The following ADIPOR2 variants were observed in gnomAD, a reference collection of about 807,000 sequenced individuals.
ADIPOR2 encodes adiponectin receptor protein 2.
ADIPOR2 carries 18 observed loss-of-function variants against 40.9 expected under a neutral mutation model. The ratio of observed to expected loss-of-function variants is 0.44; its 90% CI spans 0.30 to 0.65. The LOEUF is 0.65. ADIPOR2 is among the 30% of genes least tolerant of loss of function. ADIPOR2 has a pLI of 0.09. For missense variants in ADIPOR2, 283 were observed against 479.2 expected, an observed-to-expected ratio of 0.59 and a Z score of 3.82; for synonymous variants, 165 against 166.4, an observed-to-expected ratio of 0.99 and a Z score of 0.06.
chr12:1,722,017 A>G (rs960178524), intron 1 of ADIPOR2, among the ~76,000 whole-genome samples: 1 of 152,048 alleles, frequency 6.6e-6, no homozygotes, highest in Admixed American at 6.6e-5. Flanking sequence ...GGAGGGCTGT[A>G]GCAGGGGGAA....
intron 2 of ADIPOR2, among the ~76,000 whole-genome samples, chr12:1,756,182 G>T (rs1209007509): frequency 6.6e-6 from 1 of 151,286 alleles, no homozygotes; most frequent in Non-Finnish European, 1.5e-5. Flanking sequence ...ATAGAGTCTC[G>T]CTCTGTTGCC....
intron 1 of ADIPOR2, among the ~76,000 whole-genome samples, chr12:1,733,959 T>C (rs536874208): frequency 1.3e-5 from 2 of 152,290 alleles, no homozygotes; most frequent in South Asian, 2.1e-4. Flanking sequence ...TATGGCTGCA[T>C]AGTATTCCAT....
chr12:1,712,205 A>G (rs186691192), intron 1 of ADIPOR2, among the ~76,000 whole-genome samples: 2 of 152,222 alleles, frequency 1.3e-5, no homozygotes, highest in East Asian at 1.9e-4. Context: ...AGTCTGGACT[A>G]TAATTTGTTG....
chr12:1,717,931 A>T (rs528618542), intron 1 of ADIPOR2, among the ~76,000 whole-genome samples: 1 of 152,148 alleles, frequency 6.6e-6, no homozygotes, highest in South Asian at 2.1e-4. Flanking sequence ...TGATGTACTT[A>T]ATTTTATTAC....
intron 1 of ADIPOR2, among the ~76,000 whole-genome samples, chr12:1,704,428 T>C (rs1199640521): frequency 6.6e-6 from 1 of 152,234 alleles, no homozygotes; most frequent in Non-Finnish European, 1.5e-5. Context: ...ATAAACTTGC[T>C]TTCACTTAAA....
At chr12:1,740,778 A>G (rs1432297882) in intron 1 of ADIPOR2, among the ~76,000 whole-genome samples, 1 of 152,228 alleles carries the variant, frequency 6.6e-6, no homozygotes, top group Admixed American at 6.5e-5. Flanking sequence ...AACGAGACAA[A>G]CAAGATTTGA....
Position 1,788,118 on chromosome 12 carries a change from A to T in ADIPOR2, c.*2046A>T, listed in dbSNP as rs2286380. The T allele has an allele frequency of 0.14, 20,670 of 152,820 alleles. 1,594 individuals are homozygous for T. The highest frequency in any genetic ancestry group is 0.2 in the African/African-American group (8,450 of 41,546). The allele number at this position is 152,820 out of a possible 1,614,324, so 9.5% of individuals were successfully genotyped here. On this transcript the variant is annotated 3_prime_UTR_variant, in exon 8 of 8. Transcript: ENST00000357103. Reference sequence around the variant, plus strand: ...TACAGCGTATAGGTGCAGCCCTGTCACAACACCAACAGAAGTAGCAGCCTC... The same window carrying T: ...TACAGCGTATAGGTGCAGCCCTGTCTCAACACCAACAGAAGTAGCAGCCTC...
chr12:1,700,148 G>A (rs1351308744), intron 1 of ADIPOR2, among the ~76,000 whole-genome samples: 2 of 152,192 alleles, frequency 1.3e-5, no homozygotes, highest in Non-Finnish European at 2.9e-5. Flanking sequence ...CACAATGTCT[G>A]TGTACTAGAG....
At chr12:1,777,259 C>T (rs937740789) in intron 3 of ADIPOR2, among the ~76,000 whole-genome samples, 11 of 152,106 alleles carry the variant, frequency 7.2e-5, no homozygotes, top group African/African-American at 2.7e-4. Context: ...GACTTTGGAA[C>T]CTTCATCCCA....
At chr12:1,747,344 TAACC>T (rs1274398983) in intron 1 of ADIPOR2, among the ~76,000 whole-genome samples, 1 of 152,178 alleles carries the variant, frequency 6.6e-6, no homozygotes, top group East Asian at 1.9e-4. Flanking sequence ...TTAACACACT[TAACC>T]ATTGGGTCAA....
intron 4 of ADIPOR2, chr12:1,778,333 A>G (rs1365727645): frequency 4.7e-6 from 1 of 212,830 alleles, no homozygotes; most frequent in Non-Finnish European, 9.4e-6. Context: ...AGAAAGTATT[A>G]TTTAATAGAA....
Position 1,757,803 on chromosome 12 carries a change from C to A in ADIPOR2, c.171+3289C>A. 3 of 868,202 alleles carry A rather than the reference C, an allele frequency of 3.5e-6. No homozygotes were observed. In the South Asian group the frequency reaches 3.9e-5, roughly 11 times the overall value. 53.8% of individuals were successfully genotyped at this position (868,202 alleles called of 1,614,324 possible). A position where few individuals can be genotyped will look rare whatever the true frequency, so the allele number is the denominator to read the frequency against. On this transcript the variant is annotated intron_variant, in intron 2 of 7. Transcript: ENST00000357103. ...TATGAGTTCGGACCTTGCCATCGAT[C>A]TTAATGAACCTCTGCATGTAATCTT... is the stretch of plus-strand genomic sequence containing the variant.
intron 2 of ADIPOR2, among the ~76,000 whole-genome samples, chr12:1,766,494 G>A (rs1054277096): frequency 1.3e-5 from 2 of 152,150 alleles, no homozygotes; most frequent in Non-Finnish European, 2.9e-5. Context: ...ATTTATATCA[G>A]TTTCAAATTT....
chr12:1,745,001 G>A (rs1297349332), intron 1 of ADIPOR2, among the ~76,000 whole-genome samples: 2 of 151,658 alleles, frequency 1.3e-5, no homozygotes, highest in Non-Finnish European at 2.9e-5. Context: ...TTTAAGGTTC[G>A]GAAACAAAAA....
At position 1,754,255 on chromosome 12, in the gene ADIPOR2, T is replaced by G; in HGVS notation, c.-86-3T>G. Reference sequence around the variant, plus strand: ...CATTTTTTCAAAACTTTCATCTTCTTAGGATCAACTCACTATCCTGAAGGT... The same window carrying G: ...CATTTTTTCAAAACTTTCATCTTCTGAGGATCAACTCACTATCCTGAAGGT... On this transcript the variant is annotated splice_polypyrimidine_tract_variant and splice_region_variant and intron_variant, in intron 1 of 7. Coordinates refer to ENST00000357103, the MANE Select transcript of ADIPOR2 (RefSeq NM_024551.3). The G allele has an allele frequency of 7.6e-7, 1 of 1,307,892 alleles. No individual in the cohort carries two copies. The highest frequency in any genetic ancestry group is 1.0e-6 in the Non-Finnish European group (1 of 991,148). The allele number at this position is 1,307,892 out of a possible 1,614,324, so 81.0% of individuals were successfully genotyped here.
At chr12:1,705,945 A>T (rs1204341890) in intron 1 of ADIPOR2, among the ~76,000 whole-genome samples, 1 of 152,194 alleles carries the variant, frequency 6.6e-6, no homozygotes, top group Non-Finnish European at 1.5e-5. Context: ...CGTGAACCTC[A>T]GTTTCTTCAT....
At chr12:1,706,138 A>G (rs2094661891) in intron 1 of ADIPOR2, among the ~76,000 whole-genome samples, 1 of 152,214 alleles carries the variant, frequency 6.6e-6, no homozygotes. Flanking sequence ...GTGTTGTATA[A>G]TAGGCCATTT....
chr12:1,713,157 A>C (rs983469542), intron 1 of ADIPOR2, among the ~76,000 whole-genome samples: 1 of 152,128 alleles, frequency 6.6e-6, no homozygotes, highest in Non-Finnish European at 1.5e-5. Context: ...TAGGATCCTC[A>C]AAGGCAAAGA....
At chr12:1,785,350 G>C (rs569044095) in intron 7 of ADIPOR2, among the ~76,000 whole-genome samples, 12 of 152,212 alleles carry the variant, frequency 7.9e-5, no homozygotes, top group Non-Finnish European at 1.8e-4. Context: ...TGTTTGCTTA[G>C]TTTTTGACAC....
Sources: allele counts gnomAD v4.1 joint callset (sites outside exome capture counted in the v4.1 genomes callset), GRCh38; gene constraint gnomAD v4.1.1; transcripts MANE v1.5; gene names NCBI Gene and HGNC (gene_info 2026-07-23, HGNC 2026-07-21).